TRRAP: variants seen among roughly 807,000 people sequenced by gnomAD.
The protein encoded by TRRAP is transformation/transcription domain-associated protein.
A neutral mutation model predicts 438.8 loss-of-function variants in TRRAP; 41 were observed. That is an observed-to-expected ratio of 0.09 (90% CI 0.07 to 0.12). TRRAP has a LOEUF of 0.12. Among genes scored for constraint, TRRAP ranks in the 10% least tolerant of loss-of-function variants. The probability of loss-of-function intolerance (pLI) is 1.00; values close to 1 mark genes in which losing one functional copy is unlikely to be tolerated. For missense variants in TRRAP, 3,122 were observed against 5,055.1 expected (o/e 0.62, Z 11.60); for synonymous variants, 1,994 against 1,962.9 (o/e 1.02, Z -0.42).
rs1791638725 is a variant in TRRAP, at chr7:98,956,749, A to G, written c.6231+216A>G. On this transcript the variant is annotated intron_variant, in intron 43 of 72. Transcript: ENST00000456197. The surrounding 1 kb of genome is among the most constrained non-coding windows in gnomAD (Gnocchi z 4.5). ...TTGCCTCATGCGTTCAGTTCATACC[A>G]TTAAAGTTCTGTTGATGATGGTTGA... Among the ~76,000 whole-genome samples the G allele has an allele frequency of 6.6e-6, 1 of 152,144 alleles. No homozygotes were observed. The highest frequency in any genetic ancestry group is 1.5e-5 in the Non-Finnish European group (1 of 68,036).
intron 31 of TRRAP, among the ~76,000 whole-genome samples, chr7:98,944,396 A>G (rs1248156761): frequency 3.3e-5 from 5 of 152,184 alleles, no homozygotes; most frequent in Non-Finnish European, 7.3e-5. Flanking sequence ...TTAGCAGATT[A>G]TTTGGAGGTG....
intron 41 of TRRAP, 136 bp downstream of exon 41, chr7:98,955,440 T>G: frequency 1.2e-6 from 1 of 844,632 alleles, no homozygotes; most frequent in Non-Finnish European, 1.8e-6. Context: ...TTGATTAGTT[T>G]GTGTATGTGT....
chr7:99,003,063 A>C (rs1425733379), intron 67 of TRRAP, among the ~76,000 whole-genome samples: 1 of 152,168 alleles, frequency 6.6e-6, no homozygotes, highest in Non-Finnish European at 1.5e-5. Flanking sequence ...ATTTGGGCTC[A>C]GGACGCCAGC....
chr7:98,878,713 G>C (rs372802262), intron 1 of TRRAP, 76 bp downstream of exon 1: 1 of 152,170 alleles, frequency 6.6e-6, no homozygotes, highest in Non-Finnish European at 1.5e-5. Context: ...CCTCTGCGGC[G>C]CGGCGGCTCC....
rs73409114 is a variant in TRRAP, at chr7:98,900,531, A to G, written c.801-93A>G. On this transcript the variant is annotated intron_variant, in intron 10 of 72. Coordinates refer to ENST00000456197, the MANE Select transcript of TRRAP (RefSeq NM_001375524.1). ...TGTTGTTTGGGTCTGTGTGGAAATC[A>G]ATCTTTTGGGTTTAGTAATGGTTAC... The G allele has an allele frequency of 2.7e-3, 2,825 of 1,056,562 alleles. 60 individuals carry two copies. The African/African-American group carries it at 0.04, about 15-fold the overall frequency. 65.4% of individuals were successfully genotyped at this position (1,056,562 alleles called of 1,614,324 possible).
intron 27 of TRRAP, among the ~76,000 whole-genome samples, chr7:98,934,798 A>T (rs1291451331): frequency 6.6e-6 from 1 of 152,068 alleles, no homozygotes; most frequent in Non-Finnish European, 1.5e-5. Flanking sequence ...CTTATATGTG[A>T]GGAGAGTATT....
chr7:98,983,223 A>T, intron 59 of TRRAP, 41 bp from the exon 60 acceptor site: 1 of 1,537,864 alleles, frequency 6.5e-7, no homozygotes, highest in Non-Finnish European at 8.8e-7. Flanking sequence ...TTTGATCTTT[A>T]CTGACATTTA....
intron 11 of TRRAP, among the ~76,000 whole-genome samples, chr7:98,902,455 T>A (rs1196276027): frequency 6.6e-6 from 1 of 152,252 alleles, no homozygotes; most frequent in Non-Finnish European, 1.5e-5. Flanking sequence ...ATGCTTTTTG[T>A]ATGGCTTTTA....
At chr7:98,927,513 C>T (rs930367151) in intron 23 of TRRAP, 147 bp downstream of exon 23, 14 of 1,081,294 alleles carry the variant, frequency 1.3e-5, no homozygotes, top group African/African-American at 1.6e-5. Flanking sequence ...TTTCCATTTA[C>T]GACATTGATA....
intron 67 of TRRAP, chr7:98,998,390 G>A (rs1376736679): frequency 6.6e-6 from 1 of 152,472 alleles, no homozygotes; most frequent in South Asian, 2.1e-4. Context: ...TTCACCAGAT[G>A]AAAATATAAG....
At chr7:99,007,824 CT>C (rs35981301) in intron 69 of TRRAP, among the ~76,000 whole-genome samples, 10,060 of 137,668 alleles carry the variant, frequency 0.073, 885 homozygotes, top group African/African-American at 0.22. Flanking sequence ...TTTAAGATGT[CT>C]TTTTTTTTTT....
chr7:99,004,657 T>C (rs901919552), intron 68 of TRRAP, among the ~76,000 whole-genome samples: 1 of 152,200 alleles, frequency 6.6e-6, no homozygotes, highest in African/African-American at 2.4e-5. Flanking sequence ...CGAGTCACCA[T>C]AGAACTTGAC....
intron 67 of TRRAP, among the ~76,000 whole-genome samples, chr7:99,002,125 G>T (rs896116493): frequency 2.0e-5 from 3 of 150,200 alleles, no homozygotes; most frequent in Non-Finnish European, 3.0e-5. Context: ...GGAGAGGCGG[G>T]GGGGTGGGGT....
chr7:98,881,175 G>A lies in TRRAP; in HGVS notation c.25G>A (p.Ala9Thr). MAFVATQGATVVDQTTLMK... is the reference protein window; with the variant it reads MAFVATQGTTVVDQTTLMK... ...AATGGCGTTTGTTGCAACACAGGGGGCCACGGTGGTTGACCAGACCACTTT... is the reference window on the plus strand; with the variant it reads ...AATGGCGTTTGTTGCAACACAGGGGACCACGGTGGTTGACCAGACCACTTT... The change falls in exon 2 of 73, where the codon GCC (alanine) becomes ACC (threonine). Residue 9 changes from alanine to threonine, a missense_variant. Around this residue, in one of 24 missense-constraint regions of TRRAP, gnomAD observed 343 missense variants for 564.0 expected, o/e 0.61. Coordinates refer to ENST00000456197, the MANE Select transcript of TRRAP (RefSeq NM_001375524.1). The A allele has an allele frequency of 6.2e-7, 1 of 1,609,832 alleles. No homozygotes were observed. Among genetic ancestry groups the A allele is most frequent in the Non-Finnish European group, 8.5e-7 (1 of 1,177,890 alleles).
chr7:98,952,290 A>G (rs782225313), intron 39 of TRRAP, among the ~76,000 whole-genome samples: 3 of 152,218 alleles, frequency 2.0e-5, no homozygotes, highest in Non-Finnish European at 4.4e-5. Flanking sequence ...AGATGCTTTC[A>G]AAACTGCAAC....
At chr7:99,003,621 T>C (rs73161950) in intron 67 of TRRAP, among the ~76,000 whole-genome samples, 4,164 of 152,276 alleles carry the variant, frequency 0.027, 84 homozygotes, top group South Asian at 0.054. Flanking sequence ...CGGAAGGGCC[T>C]GTGGGGTTGG....
In TRRAP at chr7:98,976,195, C is replaced by T. The variant is rs56370876; in HGVS notation, c.7886C>T (p.Thr2629Met). ...TTCGTTCAGCTGTGCCACATTTCCACGACGCTGGCAGAGAAGACGTGGGTC... is the reference window on the plus strand; with the variant it reads ...TTCGTTCAGCTGTGCCACATTTCCATGACGCTGGCAGAGAAGACGTGGGTC... ...SAFVQLCHISTTLAEKTWVQL... is the reference protein window; with the variant it reads ...SAFVQLCHISMTLAEKTWVQL... The change falls in exon 54 of 73, where the codon ACG (threonine) becomes ATG (methionine). Residue 2629 changes from threonine to methionine, a missense_variant. By Grantham distance (81) the Thr-to-Met change is moderately conservative (BLOSUM62 -1). Coordinates refer to ENST00000456197, the MANE Select transcript of TRRAP (RefSeq NM_001375524.1). The surrounding 1 kb of genome is among the most constrained non-coding windows in gnomAD (Gnocchi z 4.6). 3.0e-5 allele frequency: 49 copies of T among 1,614,136 alleles called. No individual in the cohort carries two copies. The Middle Eastern group carries it at 5.0e-4, about 16-fold the overall frequency.
intron 10 of TRRAP, among the ~76,000 whole-genome samples, chr7:98,900,371 C>T (rs183549019): frequency 2.6e-5 from 4 of 152,226 alleles, no homozygotes; most frequent in Non-Finnish European, 1.5e-5. Flanking sequence ...AGTAGAACGG[C>T]CTGGCACTGG....
intron 65 of TRRAP, 24 bp downstream of exon 65, chr7:98,992,251 G>A (rs1365305845): frequency 1.2e-6 from 2 of 1,612,650 alleles, no homozygotes. Context: ...GGGGCCGGTA[G>A]GCCAGGCCGG....
Sources: gnomAD v4.1 joint callset for allele counts (sites outside exome capture counted in the v4.1 genomes callset) on GRCh38, gnomAD v4.1.1 for gene constraint, gnomAD v4.1.1 regional missense constraint, Gnocchi (gnomAD v3.1) non-coding constraint, MANE v1.5 for transcripts, NCBI Gene and HGNC (gene_info 2026-07-23, HGNC 2026-07-21) for gene names.